Variants in C3orf18 observed in about 807,000 individuals in gnomAD.
C3orf18 encodes chromosome 3 open reading frame 18, also known as uncharacterized protein C3orf18.
In C3orf18, 12 loss-of-function variants were observed where a neutral mutation model predicts 14.1. The ratio of observed to expected loss-of-function variants is 0.85; its 90% CI spans 0.55 to 1.38. The LOEUF is 1.38. Among genes scored for constraint, C3orf18 ranks in the 40% most tolerant of loss-of-function variants. The probability of loss-of-function intolerance (pLI) is 0.00; values close to 1 mark genes in which losing one functional copy is unlikely to be tolerated. For missense variants in C3orf18, 196 were observed against 213.9 expected (o/e 0.92, Z 0.52); for synonymous variants, 82 against 87.9 (o/e 0.93, Z 0.38).
upstream of C3orf18, chr3:50,572,234 G>C: frequency 1.1e-5 from 17 of 1,600,682 alleles, no homozygotes; most frequent in Non-Finnish European, 1.4e-5. Context: ...GGGCAAGGCA[G>C]GATCAGGATG....
At chr3:50,568,725 C>CAAAAAAAAAAAAAA (rs66828816), upstream of C3orf18, among the ~76,000 whole-genome samples, 1 of 84,040 alleles carries the variant, frequency 1.2e-5, no homozygotes, top group African/African-American at 4.5e-5. Flanking sequence ...AACTCCGTCT[C>CAAAAAAAAAAAAAA]AAAAAAAAAA....
chr3:50,564,839 A>G (rs1700190886), intron 3 of C3orf18, among the ~76,000 whole-genome samples: 1 of 151,936 alleles, frequency 6.6e-6, no homozygotes, highest in African/African-American at 2.4e-5. Flanking sequence ...CCCCACATCC[A>G]CTGCCCTAAC....
upstream of C3orf18, among the ~76,000 whole-genome samples, chr3:50,574,141 C>A (rs892761684): frequency 3.9e-5 from 6 of 152,204 alleles, no homozygotes; most frequent in African/African-American, 9.7e-5. Context: ...CAACTGCCTG[C>A]CCCTCACCTC....
chr3:50,558,920 T>A lies in C3orf18; in HGVS notation c.*737A>T. ...ACATGTCTGCCCATGGGCACACTCATGCACATGCATGAGGCCTCTCGGCAG... is the reference window on the plus strand; with the variant it reads ...ACATGTCTGCCCATGGGCACACTCAAGCACATGCATGAGGCCTCTCGGCAG... On this transcript the variant is annotated 3_prime_UTR_variant, in exon 6 of 6. Transcript: ENST00000357203. 1 of 1,288,676 alleles carries A rather than the reference T, an allele frequency of 7.8e-7. No homozygotes were observed. Among genetic ancestry groups the A allele is most frequent in the Non-Finnish European group, 1.0e-6 (1 of 987,984 alleles). The allele number at this position is 1,288,676 out of a possible 1,614,324, so 79.8% of individuals were successfully genotyped here. A position where few individuals can be genotyped will look rare whatever the true frequency, so the allele number is the denominator to read the frequency against.
At chr3:50,571,855 C>A (rs972053947), upstream of C3orf18, 2 of 1,532,372 alleles carry the variant, frequency 1.3e-6, no homozygotes, top group East Asian at 2.2e-5. Flanking sequence ...AGCAGTCCAG[C>A]CTCCCCTATC....
At chr3:50,561,135 C>A in intron 4 of C3orf18, 71 bp from the exon 5 acceptor site, 1 of 1,512,746 alleles carries the variant, frequency 6.6e-7, no homozygotes, top group Non-Finnish European at 9.0e-7. Context: ...CCAGGCCCTG[C>A]CTCCTGACTA....
chr3:50,568,942 GT>G (rs1700581514), upstream of C3orf18, among the ~76,000 whole-genome samples: 2 of 152,138 alleles, frequency 1.3e-5, no homozygotes, highest in Admixed American at 1.3e-4. Flanking sequence ...GGCCCCTGGG[GT>G]CTGGCCGCCA....
Position 50,567,585 on chromosome 3 carries a change from G to C in C3orf18, c.-374C>G, listed in dbSNP as rs957628305. The stretch of plus-strand genomic sequence containing the variant: ...GGGCTGCGGGTCCGACCCGAGATCC[G>C]CCCTCCCTGCAAGCCCCGAGCCGCT... On this transcript the variant is annotated 5_prime_UTR_variant, in exon 1 of 6. Transcript: ENST00000357203. 1 of 152,314 alleles carries C rather than the reference G, an allele frequency of 6.6e-6. No homozygotes were observed. Among genetic ancestry groups the C allele is most frequent in the Non-Finnish European group, 1.5e-5 (1 of 68,102 alleles). 9.4% of individuals were successfully genotyped at this position (152,314 alleles called of 1,614,324 possible).
intron 5 of C3orf18, among the ~76,000 whole-genome samples, 190 bp downstream of exon 5, chr3:50,560,727 C>T (rs990697164): frequency 6.6e-6 from 1 of 152,230 alleles, no homozygotes; most frequent in Non-Finnish European, 1.5e-5. Context: ...CCTGGCCTTG[C>T]GCTGTGAGTT....
chr3:50,559,507 G>T lies in C3orf18; in HGVS notation c.*150C>A. 7.0e-7 allele frequency: 1 copy of T among 1,430,948 alleles called. No individual in the cohort carries two copies. The highest frequency in any genetic ancestry group is 9.2e-7 in the Non-Finnish European group (1 of 1,089,536). 88.6% of individuals were successfully genotyped at this position (1,430,948 alleles called of 1,614,324 possible). ...CTCTCTTAGAGTCTAAAGTCAGCAG[G>T]TGGGTCTGGAGAACAGCTAGGACCT... On this transcript the variant is annotated 3_prime_UTR_variant, in exon 6 of 6. Transcript: ENST00000357203.
At chr3:50,572,838 T>A (rs563907213), upstream of C3orf18, among the ~76,000 whole-genome samples, 1 of 152,358 alleles carries the variant, frequency 6.6e-6, no homozygotes, top group African/African-American at 2.4e-5. Context: ...ACGCTTTATA[T>A]GGCCCTTCTT....
In C3orf18 at chr3:50,559,003, C is replaced by T; in HGVS notation, c.*654G>A. On this transcript the variant is annotated 3_prime_UTR_variant, in exon 6 of 6. Transcript: ENST00000357203. Reference sequence around the variant, plus strand: ...CCCCTACTTCCTTCCCCCTCAGCTCCCATCCTAGCTTGGCCCCAGTAACAT... The same window carrying T: ...CCCCTACTTCCTTCCCCCTCAGCTCTCATCCTAGCTTGGCCCCAGTAACAT... 1 of 1,289,662 alleles carries T rather than the reference C, an allele frequency of 7.8e-7. No homozygotes were observed. Among genetic ancestry groups the T allele is most frequent in the Non-Finnish European group, 1.0e-6 (1 of 988,760 alleles). The allele number at this position is 1,289,662 out of a possible 1,614,324, so 79.9% of individuals were successfully genotyped here.
chr3:50,563,751 G>A (rs1700126737), intron 3 of C3orf18, among the ~76,000 whole-genome samples: 2 of 152,204 alleles, frequency 1.3e-5, no homozygotes, highest in Admixed American at 6.5e-5. Flanking sequence ...TTTGTCCTAC[G>A]AGCTTCCTAC....
intron 3 of C3orf18, among the ~76,000 whole-genome samples, chr3:50,562,134 G>C (rs1341763841): frequency 1.3e-5 from 2 of 152,212 alleles, no homozygotes; most frequent in Non-Finnish European, 2.9e-5. Context: ...TCCTGACCTT[G>C]TGATCCACCC....
At position 50,565,887 on chromosome 3, in the gene C3orf18, G is replaced by A. The variant is rs372608535; in HGVS notation, c.-162-26C>T. On this transcript the variant is annotated intron_variant, in intron 2 of 5. Transcript: ENST00000357203. The surrounding 1 kb of genome is among the most constrained non-coding windows in gnomAD (Gnocchi z 4.4). ...CTAGAAAGGAAAGAATAAGAAACAT[G>A]AGGCTAAGGACAGGGGCTCAGTAGT... is the stretch of plus-strand genomic sequence containing the variant. 4.5e-5 allele frequency: 27 copies of A among 594,552 alleles called. No individual in the cohort carries two copies. In the East Asian group the frequency reaches 7.2e-4, roughly 16 times the overall value. The allele number at this position is 594,552 out of a possible 1,614,324, so 36.8% of individuals were successfully genotyped here. A position where few individuals can be genotyped will look rare whatever the true frequency, so the allele number is the denominator to read the frequency against.
In C3orf18 at chr3:50,565,723, T is replaced by G; in HGVS notation, c.-24A>C. ...ATGCTGATGCGGAGAGGGCCCTGGC[T>G]GAGAGGCTGCCTGATGCCAGTCAAC... On this transcript the variant is annotated 5_prime_UTR_variant, in exon 3 of 6. Transcript: ENST00000357203. The surrounding 1 kb of genome is among the most constrained non-coding windows in gnomAD (Gnocchi z 4.4). 1 of 1,570,564 alleles carries G rather than the reference T, an allele frequency of 6.4e-7. No individual in the cohort carries two copies. The highest frequency in any genetic ancestry group is 8.7e-7 in the Non-Finnish European group (1 of 1,152,552).
chr3:50,571,926 G>T (rs947596120), upstream of C3orf18: 2 of 1,276,034 alleles, frequency 1.6e-6, no homozygotes, highest in African/African-American at 1.5e-5. Flanking sequence ...GGGTGCAGGA[G>T]TGGCAAGAGT....
chr3:50,564,329 AGG>A (rs1353655506), intron 3 of C3orf18, among the ~76,000 whole-genome samples: 1 of 152,198 alleles, frequency 6.6e-6, no homozygotes, highest in Non-Finnish European at 1.5e-5. Context: ...GTATCATCTT[AGG>A]GGGACAGCCC....
At chr3:50,570,476 A>G (rs939470877), upstream of C3orf18, 4 of 152,234 alleles carry the variant, frequency 2.6e-5, no homozygotes, top group South Asian at 2.1e-4. Flanking sequence ...TGCCTCTTGT[A>G]ACATCAGTTA....
Sources: gnomAD v4.1 joint callset for allele counts (sites outside exome capture counted in the v4.1 genomes callset) on GRCh38, gnomAD v4.1.1 for gene constraint, Gnocchi (gnomAD v3.1) non-coding constraint, MANE v1.5 for transcripts, NCBI Gene and HGNC (gene_info 2026-07-23, HGNC 2026-07-21) for gene names.